PDZK1: variants seen among roughly 807,000 people sequenced by gnomAD.
PDZK1 encodes the protein Na(+)/H(+) exchange regulatory cofactor NHE-RF3.
Under a neutral mutation model 38.1 loss-of-function variants are expected in PDZK1, and 23 were observed. The ratio of observed to expected loss-of-function variants is 0.60; its 90% confidence interval spans 0.43 to 0.85. The LOEUF is 0.85. PDZK1 is among the 40% of genes least tolerant of loss of function. The probability of loss-of-function intolerance (pLI) is 0.00; values close to 1 mark genes in which losing one functional copy is unlikely to be tolerated. For synonymous variants in PDZK1, 98 were observed against 186.2 expected (o/e 0.53, Z 3.86); for missense variants, 297 against 504.3 (o/e 0.59, Z 3.94).
At chr1:145,671,995 A>G (rs587775430) in intron 8 of PDZK1, among the ~76,000 whole-genome samples, 1 of 152,148 alleles carries the variant, frequency 6.6e-6, no homozygotes, top group East Asian at 1.9e-4. Flanking sequence ...TATAATGGAA[A>G]GAAGAACAAC....
chr1:145,678,010 G>A (rs1282264197), intron 6 of PDZK1, among the ~76,000 whole-genome samples: 1 of 132,148 alleles, frequency 7.6e-6, no homozygotes, highest in African/African-American at 2.9e-5. Context: ...TTTGATTCAG[G>A]TTGGTCTTGG....
chr1:145,689,955 G>A (rs1229625666), intron 1 of PDZK1, among the ~76,000 whole-genome samples: 1 of 152,110 alleles, frequency 6.6e-6, no homozygotes, highest in African/African-American at 2.4e-5. Flanking sequence ...GAAGCCCCAC[G>A]CCACCAGTGG....
At chr1:145,687,363 CAAAA>C (rs879982021) in intron 2 of PDZK1, among the ~76,000 whole-genome samples, 1 of 103,646 alleles carries the variant, frequency 9.6e-6, no homozygotes, top group Non-Finnish European at 2.1e-5. Context: ...ACTAAAAATA[CAAAA>C]AAAAAAAAAA....
rs781862234 is a variant in PDZK1, at chr1:145,686,457, G to C, written c.460+20C>G. ...CTGTGCCCTGCCCCTGCCTCCCCCT[G>C]CTCCCCAAAAAATTCTCACCTTGGA... On this transcript the variant is annotated intron_variant, in intron 3 of 8. Coordinates refer to ENST00000417171, the MANE Select transcript of PDZK1 (RefSeq NM_001201325.2). The C allele has an allele frequency of 7.5e-6, 12 of 1,609,656 alleles. No homozygotes were observed. Among genetic ancestry groups the C allele is most frequent in the Non-Finnish European group, 1.0e-5 (12 of 1,178,520 alleles).
intron 1 of PDZK1, among the ~76,000 whole-genome samples, chr1:145,699,335 T>C (rs1655824035): frequency 6.6e-6 from 1 of 152,198 alleles, no homozygotes; most frequent in African/African-American, 2.4e-5. Flanking sequence ...CAGGAATCGC[T>C]TGAACCCGGG....
At chr1:145,679,324 T>C (rs587594710) in intron 5 of PDZK1, among the ~76,000 whole-genome samples, 1 of 152,276 alleles carries the variant, frequency 6.6e-6, no homozygotes, top group South Asian at 2.1e-4. Flanking sequence ...CTTGGTTACC[T>C]GTTAGTGGAG....
At chr1:145,696,431 C>A (rs1446348685) in intron 1 of PDZK1, among the ~76,000 whole-genome samples, 12 of 152,164 alleles carry the variant, frequency 7.9e-5, no homozygotes, top group Non-Finnish European at 1.8e-4. Context: ...TACTTGGAGA[C>A]AGGAACTTTA....
intron 1 of PDZK1, among the ~76,000 whole-genome samples, chr1:145,701,413 C>G (rs1328364852): frequency 6.6e-6 from 1 of 151,854 alleles, no homozygotes; most frequent in Non-Finnish European, 1.5e-5. Flanking sequence ...GAACTCCATG[C>G]TTGCCTATAA....
In PDZK1 at chr1:145,672,952, C is replaced by T; in HGVS notation, c.1284G>A (p.Gly428=). 1 of 1,582,384 alleles carries T rather than the reference C, an allele frequency of 6.3e-7. No individual in the cohort carries two copies. The change falls in exon 8 of 9, where the codon GGG becomes GGA. Residue 428 remains glycine (G), a synonymous_variant. Coordinates refer to ENST00000417171, the MANE Select transcript of PDZK1 (RefSeq NM_001201325.2). ...CATAGGGTTCATCTAGCACATTCAC[C>T]CCATTCACTTCAATGATGACATCCT... The part of the protein sequence containing the change: ...EDEDVIIEVN[G]VNVLDEPYEK...
intron 1 of PDZK1, among the ~76,000 whole-genome samples, chr1:145,700,356 G>T (rs1655890191): frequency 6.6e-6 from 1 of 152,194 alleles, no homozygotes; most frequent in South Asian, 2.1e-4. Flanking sequence ...AGCTTTAACA[G>T]AATTTCAAGA....
At chr1:145,700,892 T>C (rs1178992321) in intron 1 of PDZK1, among the ~76,000 whole-genome samples, 1 of 152,036 alleles carries the variant, frequency 6.6e-6, no homozygotes, top group Non-Finnish European at 1.5e-5. Context: ...ACTCAATCCA[T>C]GAAAACACTA....
intron 1 of PDZK1, among the ~76,000 whole-genome samples, chr1:145,691,486 A>G (rs1655232464): frequency 6.6e-6 from 1 of 152,202 alleles, no homozygotes; most frequent in South Asian, 2.1e-4. Flanking sequence ...ACTCTTTCCT[A>G]CTTCTTTAAC....
At position 145,692,120 on chromosome 1, in the gene PDZK1, G is replaced by C. The variant is rs148100037; in HGVS notation, c.-2-4097C>G. Among the ~76,000 whole-genome samples the C allele has an allele frequency of 5.9e-5, 9 of 152,268 alleles. No homozygotes were observed. In the East Asian group the frequency reaches 1.3e-3, roughly 23 times the overall value. On this transcript the variant is annotated intron_variant, in intron 1 of 8. Coordinates refer to ENST00000417171, the MANE Select transcript of PDZK1 (RefSeq NM_001201325.2). ...TAAATACCCTTTAGAAGTTAGGAAG[G>C]CTTGGTAATGAAAAGGAGGGTGGTA...
intron 6 of PDZK1, among the ~76,000 whole-genome samples, chr1:145,675,832 A>G (rs1249714799): frequency 1.3e-5 from 2 of 151,304 alleles, no homozygotes; most frequent in Non-Finnish European, 3.0e-5. Flanking sequence ...GCCTGGCCAA[A>G]ATGGTGAAAC....
At chr1:145,700,521 A>G (rs1475584099) in intron 1 of PDZK1, among the ~76,000 whole-genome samples, 1 of 152,180 alleles carries the variant, frequency 6.6e-6, no homozygotes, top group East Asian at 1.9e-4. Context: ...CTTCATAGCC[A>G]AGGAGTAGCT....
intron 1 of PDZK1, among the ~76,000 whole-genome samples, chr1:145,701,310 G>A (rs983380394): frequency 5.3e-5 from 8 of 150,872 alleles, no homozygotes; most frequent in Non-Finnish European, 1.0e-4. Context: ...TGAAACCATA[G>A]AGTAAGTTAC....
At chr1:145,701,391 T>G (rs1655953173) in intron 1 of PDZK1, among the ~76,000 whole-genome samples, 1 of 151,652 alleles carries the variant, frequency 6.6e-6, no homozygotes, top group South Asian at 2.1e-4. Context: ...TAGACATTAC[T>G]TGCTTTCCAC....
intron 8 of PDZK1, 31 bp downstream of exon 8, chr1:145,672,699 A>G: frequency 6.2e-7 from 1 of 1,611,532 alleles, no homozygotes; most frequent in Non-Finnish European, 8.5e-7. Context: ...CTAGTAAATT[A>G]GATCACGAAA....
chr1:145,688,875 C>T (rs960220809), intron 1 of PDZK1, among the ~76,000 whole-genome samples: 1 of 152,052 alleles, frequency 6.6e-6, no homozygotes, highest in African/African-American at 2.4e-5. Flanking sequence ...AGGATAATTG[C>T]TTTAACCTGG....
Sources: gnomAD v4.1 joint callset for allele counts (sites outside exome capture counted in the v4.1 genomes callset) on GRCh38, gnomAD v4.1.1 for gene constraint, MANE v1.5 for transcripts, NCBI Gene and HGNC (gene_info 2026-07-23, HGNC 2026-07-21) for gene names.